The following LRIF1 variants were observed in gnomAD, a reference collection of about 807,000 sequenced individuals.
LRIF1 encodes the protein ligand dependent nuclear receptor interacting factor 1, also known as ligand-dependent nuclear receptor-interacting factor 1.
A neutral mutation model predicts 52.7 loss-of-function variants in LRIF1; 32 were observed. That is an observed-to-expected ratio of 0.61 (90% CI 0.46 to 0.82). The LOEUF is 0.82. Among genes scored for constraint, LRIF1 ranks in the 40% least tolerant of loss-of-function variants. LRIF1 has a pLI of 0.00. For synonymous variants in LRIF1, 323 were observed against 317.4 expected, an observed-to-expected ratio of 1.02 and a Z score of -0.19; for missense variants, 887 against 892.0, an observed-to-expected ratio of 0.99 and a Z score of 0.07.
chr1:110,929,992 T>C, the LRIF1 span, among the ~76,000 whole-genome samples: 19 of 152,224 alleles, frequency 1.2e-4, no homozygotes. Flanking sequence ...GCTGTACATG[T>C]ACCCCTGCAC....
the LRIF1 span, chr1:110,892,305 C>A: frequency 1.3e-6 from 2 of 1,503,804 alleles, no homozygotes; most frequent in Non-Finnish European, 1.9e-6. Context: ...ACCCAAGAAC[C>A]ACATTTTGCT....
the LRIF1 span, among the ~76,000 whole-genome samples, chr1:110,877,530 C>CAG: frequency 6.6e-6 from 1 of 152,186 alleles, no homozygotes; most frequent in Non-Finnish European, 1.5e-5. Flanking sequence ...TGTCCCACCT[C>CAG]AGCTGTTATT....
chr1:110,881,044 T>C, the LRIF1 span, among the ~76,000 whole-genome samples: 1 of 152,194 alleles, frequency 6.6e-6, no homozygotes, highest in African/African-American at 2.4e-5. Context: ...ATTGCTTTGC[T>C]AAATTTTAAA....
the LRIF1 span, among the ~76,000 whole-genome samples, chr1:110,920,858 T>C: frequency 1.3e-5 from 2 of 152,160 alleles, no homozygotes; most frequent in East Asian, 3.8e-4. Context: ...ATAAATAAAG[T>C]GTATTAATTT....
chr1:110,962,707 A>G (rs1039214271), intron 1 of LRIF1, among the ~76,000 whole-genome samples: 3 of 152,212 alleles, frequency 2.0e-5, no homozygotes, highest in Non-Finnish European at 4.4e-5. Flanking sequence ...GCTAACTAGC[A>G]AAGTTGAGAT....
chr1:110,953,228 C>T (rs1215248098), intron 1 of LRIF1, among the ~76,000 whole-genome samples: 2 of 152,102 alleles, frequency 1.3e-5, no homozygotes, highest in Non-Finnish European at 2.9e-5. Flanking sequence ...TTCCATTTCT[C>T]TCTTTTCCCC....
At chr1:110,943,351 T>C (rs1378130390), downstream of LRIF1, 1 of 152,144 alleles carries the variant, frequency 6.6e-6, no homozygotes, top group African/African-American at 2.4e-5. Flanking sequence ...TCAAGGCGCA[T>C]TTCAGTATCA....
chr1:110,884,395 A>G, the LRIF1 span, among the ~76,000 whole-genome samples: 1 of 152,074 alleles, frequency 6.6e-6, no homozygotes, highest in Admixed American at 6.5e-5. Context: ...AGAATGGTCT[A>G]TCTTGGTAAA....
At chr1:110,882,144 T>G in the LRIF1 span, among the ~76,000 whole-genome samples, 107 of 152,294 alleles carry the variant, frequency 7.0e-4, no homozygotes, top group Non-Finnish European at 1.2e-3. Context: ...ATCAACTTAT[T>G]GTGCTTTTGG....
chr1:110,876,126 C>A, the LRIF1 span, among the ~76,000 whole-genome samples: 7 of 152,282 alleles, frequency 4.6e-5, no homozygotes, highest in South Asian at 1.4e-3. Context: ...TATTTAGATT[C>A]AAATAAAGTA....
chr1:110,904,378 T>C, the LRIF1 span, among the ~76,000 whole-genome samples: 2 of 152,116 alleles, frequency 1.3e-5, no homozygotes, highest in South Asian at 2.1e-4. Context: ...GTGGTGGTCA[T>C]AGAGTGACAC....
the LRIF1 span, among the ~76,000 whole-genome samples, chr1:110,934,198 T>C: frequency 1.1e-3 from 170 of 152,312 alleles, no homozygotes; most frequent in Non-Finnish European, 2.0e-3. Context: ...GATACCCAGG[T>C]ACTATGTTGA....
At chr1:110,878,152 G>T in the LRIF1 span, among the ~76,000 whole-genome samples, 4 of 152,162 alleles carry the variant, frequency 2.6e-5, no homozygotes, top group Non-Finnish European at 5.9e-5. Flanking sequence ...TTGTCAGGCC[G>T]ATTTGAGGAT....
At chr1:110,931,274 G>T in the LRIF1 span, among the ~76,000 whole-genome samples, 1 of 152,064 alleles carries the variant, frequency 6.6e-6, no homozygotes, top group African/African-American at 2.4e-5. Context: ...TTAGAATGAT[G>T]GTTTCCAGCT....
chr1:110,893,434 T>C, the LRIF1 span, among the ~76,000 whole-genome samples: 1 of 152,326 alleles, frequency 6.6e-6, no homozygotes, highest in Admixed American at 6.5e-5. Flanking sequence ...GCCATTCTCC[T>C]GCCTCAGCCT....
chr1:110,907,885 C>T, the LRIF1 span, among the ~76,000 whole-genome samples: 1 of 152,180 alleles, frequency 6.6e-6, no homozygotes, highest in South Asian at 2.1e-4. Flanking sequence ...AATCTCTTGC[C>T]TTTTGTTTCA....
At chr1:110,942,807 G>T (rs974616637), downstream of LRIF1, among the ~76,000 whole-genome samples, 1 of 152,086 alleles carries the variant, frequency 6.6e-6, no homozygotes, top group Non-Finnish European at 1.5e-5. Flanking sequence ...ATTTTGGCCT[G>T]TGTTGATTTT....
intron 1 of LRIF1, among the ~76,000 whole-genome samples, chr1:110,957,746 C>T (rs1296860126): frequency 6.6e-6 from 1 of 151,998 alleles, no homozygotes; most frequent in Non-Finnish European, 1.5e-5. Flanking sequence ...ATATAGGTTT[C>T]AAATCACCTA....
chr1:110,938,456 A>G, the LRIF1 span: 1 of 152,206 alleles, frequency 6.6e-6, no homozygotes, highest in Non-Finnish European at 1.5e-5. Context: ...AAAGATAAAA[A>G]TGATATGATC....
Sources: gnomAD v4.1 joint callset for allele counts (sites outside exome capture counted in the v4.1 genomes callset) on GRCh38, gnomAD v4.1.1 for gene constraint, MANE v1.5 for transcripts, NCBI Gene and HGNC (gene_info 2026-07-23, HGNC 2026-07-21) for gene names.